ZBTB7B: variants seen among roughly 807,000 people sequenced by gnomAD.
ZBTB7B encodes zinc finger and BTB domain containing 7B.
Under a neutral mutation model 31.0 loss-of-function variants are expected in ZBTB7B, and 8 were observed. The observed-to-expected ratio is 0.26, with a 90% CI of 0.15 to 0.47. The LOEUF is 0.47. ZBTB7B is among the 20% of genes least tolerant of loss of function. The pLI, the probability that ZBTB7B is intolerant of heterozygous loss-of-function variation, is 0.99. For synonymous variants in ZBTB7B, 261 were observed against 307.3 expected (o/e 0.85, Z 1.58); for missense variants, 494 against 742.4 (o/e 0.67, Z 3.89).
chr1:155,012,463 C>T (rs1163811655), intron 1 of ZBTB7B, among the ~76,000 whole-genome samples: 18 of 152,200 alleles, frequency 1.2e-4, no homozygotes. Context: ...CTGCTGCTGC[C>T]CACCTGGTTT....
intron 1 of ZBTB7B, among the ~76,000 whole-genome samples, chr1:155,009,191 A>G (rs1287910496): frequency 6.6e-6 from 1 of 152,116 alleles, no homozygotes; most frequent in Admixed American, 6.5e-5. Flanking sequence ...CAGGAGAGGC[A>G]GAAGAGGGGC....
rs1337501254 is a variant in ZBTB7B, at chr1:155,018,472, C to G, written c.*1787C>G. On this transcript the variant is annotated 3_prime_UTR_variant, in exon 3 of 3. Transcript: ENST00000535420. The stretch of plus-strand genomic sequence containing the variant: ...CTATTCCCTTCCCCCCACCCCAACT[C>G]CCCCACCTCGGGTGTAAGCGACAGG... 7.1e-7 allele frequency: 1 copy of G among 1,415,930 alleles called. No individual in the cohort carries two copies. The highest frequency in any genetic ancestry group is 9.6e-7 in the Non-Finnish European group (1 of 1,039,958). The allele number at this position is 1,415,930 out of a possible 1,614,324, so 87.7% of individuals were successfully genotyped here. A position where few individuals can be genotyped will look rare whatever the true frequency, so the allele number is the denominator to read the frequency against.
rs191380306 is a variant in ZBTB7B at position 155,006,643 on chromosome 1, A to G, written c.-7+3700A>G. 2.6e-5 allele frequency among the ~76,000 whole-genome samples: 4 copies of G among 152,278 alleles called. No individual in the cohort carries two copies. The East Asian group carries it at 5.8e-4, about 22-fold the overall frequency. On this transcript the variant is annotated intron_variant, in intron 1 of 2. Transcript: ENST00000535420. ...CAACAGAATGACATGGGGAAATGCC[A>G]TCCCAGTCCCTGACAGGCCTCAGAG...
rs550515280 is a variant in ZBTB7B at position 155,014,013 on chromosome 1, A to G, written c.-6-642A>G. Reference sequence around the variant, plus strand: ...CTTCTCTTGTTTGCATATGTTTTACAGTGTCCTAACCGCTTTGGAGAGCGA... The same window carrying G: ...CTTCTCTTGTTTGCATATGTTTTACGGTGTCCTAACCGCTTTGGAGAGCGA... On this transcript the variant is annotated intron_variant, in intron 1 of 2. Coordinates refer to ENST00000535420, the MANE Select transcript of ZBTB7B (RefSeq NM_001256455.2). 3 of 985,620 alleles carry G rather than the reference A, an allele frequency of 3.0e-6. No homozygotes were observed. In the East Asian group the frequency reaches 3.4e-4, roughly 112 times the overall value. The allele number at this position is 985,620 out of a possible 1,614,324, so 61.1% of individuals were successfully genotyped here.
In ZBTB7B at chr1:155,016,548, C is replaced by T. The variant is rs767454631; in HGVS notation, c.1483C>T (p.Arg495Cys). ...DLSNGHLDTF[R>C]LSLARFWEQS... is the part of the protein sequence containing the mutation. ...CTCCAATGGCCACCTGGACACCTTC[C>T]GCCTCTCTCTAGCTCGATTCTGGGA... is the stretch of plus-strand genomic sequence containing the variant. Residue 495 changes from arginine (R) to cysteine (C), a missense_variant, in exon 3 of 3, where the codon CGC becomes TGC. Arg to Cys is a radical substitution (Grantham distance 180). This residue lies in a region of ZBTB7B where 101 missense variants were observed against 119.5 expected (regional missense o/e 0.85). Transcript: ENST00000535420. The surrounding 1 kb of genome is among the most constrained non-coding windows in gnomAD (Gnocchi z 4.3). The T allele has an allele frequency of 1.2e-5, 19 of 1,614,106 alleles. No individual in the cohort carries two copies. Among genetic ancestry groups the T allele is most frequent in the Non-Finnish European group, 1.6e-5 (19 of 1,179,956 alleles).
In ZBTB7B at chr1:155,008,953, A is replaced by G. The variant is rs371203213; in HGVS notation, c.-6-5702A>G. Among the ~76,000 whole-genome samples the G allele has an allele frequency of 3.9e-3, 588 of 152,256 alleles. 6 individuals carry two copies. Among genetic ancestry groups the G allele is most frequent in the African/African-American group, 0.013 (550 of 41,550 alleles). On this transcript the variant is annotated intron_variant, in intron 1 of 2. Transcript: ENST00000535420. ...TCCCAACCTGCTGCCCCCAGGGGCC[A>G]GGAGGAGTTGCCGCCAGGCCCCTCA... is the stretch of plus-strand genomic sequence containing the variant.
intron 1 of ZBTB7B, chr1:155,010,851 G>C (rs80147701): frequency 6.7e-6 from 9 of 1,341,044 alleles, no homozygotes; most frequent in African/African-American, 1.4e-5. Flanking sequence ...TAAGGGGGAG[G>C]GGTGGCCAGC....
chr1:155,009,930 G>A (rs1178801392), intron 1 of ZBTB7B, among the ~76,000 whole-genome samples: 3 of 152,078 alleles, frequency 2.0e-5, no homozygotes, highest in Non-Finnish European at 4.4e-5. Flanking sequence ...GAGGCCTAGG[G>A]ACACTGATGG....
At chr1:155,002,529 G>A (rs976368846), upstream of ZBTB7B, 2 of 124,298 alleles carry the variant, frequency 1.6e-5, no homozygotes, top group African/African-American at 6.2e-5. Flanking sequence ...TTATTGGGCG[G>A]AGGGAGGGGG....
intron 1 of ZBTB7B, chr1:155,010,810 T>A: frequency 1.2e-6 from 1 of 856,634 alleles, no homozygotes; most frequent in Non-Finnish European, 1.8e-6. Flanking sequence ...GGAGTTGGGG[T>A]GGGGGGGTGG....
chr1:155,011,155 A>G, intron 1 of ZBTB7B: 1 of 827,058 alleles, frequency 1.2e-6, no homozygotes, highest in Non-Finnish European at 1.9e-6. Flanking sequence ...AGGGTGGGGG[A>G]AAGGGGGGTC....
chr1:155,011,435 CT>C (rs1304398770), intron 1 of ZBTB7B, among the ~76,000 whole-genome samples: 1 of 152,262 alleles, frequency 6.6e-6, no homozygotes, highest in Non-Finnish European at 1.5e-5. Context: ...TCCCAACTTT[CT>C]CACCCTGAAG....
chr1:155,011,136 C>A, intron 1 of ZBTB7B: 1 of 940,616 alleles, frequency 1.1e-6, no homozygotes, highest in Non-Finnish European at 1.6e-6. Flanking sequence ...CCTCACTCCC[C>A]TAATCCCCAG....
In ZBTB7B at chr1:155,003,791, A is replaced by G. The variant is rs1658391798; in HGVS notation, c.-7+848A>G. The stretch of plus-strand genomic sequence containing the variant: ...AGAGTGCGCCTGGCAGAAGGCTGCC[A>G]TTCAAAGGGGTGGGGGGCGCTGCTT... On this transcript the variant is annotated intron_variant, in intron 1 of 2. Coordinates refer to ENST00000535420, the MANE Select transcript of ZBTB7B (RefSeq NM_001256455.2). This position sits in a 1 kb window ranked among gnomAD's most constrained non-coding sequence, Gnocchi z 5.8. 6.6e-6 allele frequency among the ~76,000 whole-genome samples: 1 copy of G among 152,098 alleles called. No individual in the cohort carries two copies.
Position 155,015,179 on chromosome 1 carries a change from A to T in ZBTB7B, c.519A>T (p.Gly173=), listed in dbSNP as rs1332914440. 6.2e-7 allele frequency: 1 copy of T among 1,613,722 alleles called. No individual in the cohort carries two copies. Among genetic ancestry groups the T allele is most frequent in the South Asian group, 1.1e-5 (1 of 91,090 alleles). ...CCTTTGCCACAGCCACGGCCTCTGGAGTTCCCAATGGTGAAGACAGTCCTC... is the reference window on the plus strand; with the variant it reads ...CCTTTGCCACAGCCACGGCCTCTGGTGTTCCCAATGGTGAAGACAGTCCTC... ...LEAFATATAS[G]VPNGEDSPPQ... is the part of the protein sequence containing the mutation. The change falls in exon 2 of 3, where the codon GGA becomes GGT. Residue 173 remains glycine, a synonymous_variant. Coordinates refer to ENST00000535420, the MANE Select transcript of ZBTB7B (RefSeq NM_001256455.2).
At chr1:155,009,198 G>A (rs981313488) in intron 1 of ZBTB7B, among the ~76,000 whole-genome samples, 8 of 152,184 alleles carry the variant, frequency 5.3e-5, no homozygotes, top group African/African-American at 1.9e-4. Context: ...GGCAGAAGAG[G>A]GGCCTATAGG....
rs1214751117 is a variant in ZBTB7B, at chr1:155,014,717, G to A, written c.57G>A (p.Glu19=). 3.1e-6 allele frequency: 5 copies of A among 1,614,222 alleles called. No individual in the cohort carries two copies. In the East Asian group the frequency reaches 1.1e-4, roughly 36 times the overall value. ...TTCCATTCCCGGACCACAGCAGTGA[G>A]CTCCTGAGCTGCCTCAATGAGCAGC... is the stretch of plus-strand genomic sequence containing the variant. ...IGIPFPDHSS[E]LLSCLNEQRQ... Residue 19 remains glutamate (E), a synonymous_variant, in exon 2 of 3, where the codon GAG becomes GAA. Transcript: ENST00000535420.
rs1558094321 is a variant in ZBTB7B, at chr1:155,017,570, C to G, written c.*885C>G. 1 of 154,544 alleles carries G rather than the reference C, an allele frequency of 6.5e-6. No homozygotes were observed. The highest frequency in any genetic ancestry group is 1.9e-4 in the East Asian group (1 of 5,284). The allele number at this position is 154,544 out of a possible 1,614,324, so 9.6% of individuals were successfully genotyped here. ...CGGAGCCGCCGCCACCGCTGCCGCCCCTGACTCACGCCGCCCCCGGGCTGG... is the reference window on the plus strand; with the variant it reads ...CGGAGCCGCCGCCACCGCTGCCGCCGCTGACTCACGCCGCCCCCGGGCTGG... On this transcript the variant is annotated 3_prime_UTR_variant, in exon 3 of 3. Transcript: ENST00000535420.
At position 155,018,462 on chromosome 1, in the gene ZBTB7B, C is replaced by G; in HGVS notation, c.*1777C>G. On this transcript the variant is annotated 3_prime_UTR_variant, in exon 3 of 3. Transcript: ENST00000535420. ...TCCCCCCCTCCTATTCCCTTCCCCC[C>G]ACCCCAACTCCCCCACCTCGGGTGT... 2 of 1,392,738 alleles carry G rather than the reference C, an allele frequency of 1.4e-6. No individual in the cohort carries two copies. The highest frequency in any genetic ancestry group is 1.4e-5 in the African/African-American group (1 of 69,790). 86.3% of individuals were successfully genotyped at this position (1,392,738 alleles called of 1,614,324 possible).
Sources: allele counts gnomAD v4.1 joint callset (sites outside exome capture counted in the v4.1 genomes callset), GRCh38; gene constraint gnomAD v4.1.1; regional missense constraint gnomAD v4.1.1; non-coding constraint Gnocchi (gnomAD v3.1); transcripts MANE v1.5; gene names NCBI Gene and HGNC (gene_info 2026-07-23, HGNC 2026-07-21).